KIF6: variants seen among roughly 807,000 people sequenced by gnomAD.
KIF6 encodes the protein kinesin family member 6.
In KIF6, 106 loss-of-function variants were observed where a neutral mutation model predicts 112.7. That is an observed-to-expected ratio of 0.94 (90% confidence interval 0.80 to 1.11). The LOEUF (loss-of-function observed/expected upper bound fraction) is 1.11. Among genes scored for constraint, KIF6 ranks in the 50% least tolerant of loss-of-function variants. The pLI, the probability that KIF6 is intolerant of heterozygous loss-of-function variation, is 0.00. For missense variants in KIF6, 929 were observed against 964.0 expected, an observed-to-expected ratio of 0.96 and a Z score of 0.48; for synonymous variants, 339 against 339.9, an observed-to-expected ratio of 1.00 and a Z score of 0.03.
rs541373022 is a variant in KIF6, at chr6:39,436,106, G to A, written c.1646-4945C>T. On this transcript the variant is annotated intron_variant, in intron 13 of 22. Transcript: ENST00000287152. ...TCGTGGTTTTAATTTGCATTTCCCT[G>A]ATAATTAATGATGTTGAGCATTTTT... Among the ~76,000 whole-genome samples the A allele has an allele frequency of 2.6e-5, 4 of 152,158 alleles. No homozygotes were observed. The South Asian group carries it at 8.3e-4, about 32-fold the overall frequency.
intron 3 of KIF6, among the ~76,000 whole-genome samples, chr6:39,713,110 G>A (rs1789651063): frequency 6.6e-6 from 1 of 152,164 alleles, no homozygotes. Flanking sequence ...GAGAAACCAT[G>A]CAGATTTCTG....
intron 10 of KIF6, chr6:39,554,177 G>T: frequency 6.4e-6 from 1 of 156,490 alleles, no homozygotes; most frequent in South Asian, 1.8e-4. Context: ...AAGGTGTGGG[G>T]GAAGCAGAAC....
chr6:39,422,219 A>C (rs1770423702), intron 14 of KIF6, among the ~76,000 whole-genome samples: 2 of 152,184 alleles, frequency 1.3e-5, no homozygotes, highest in Admixed American at 6.5e-5. Context: ...CAGAAGAAGG[A>C]CTTTCCACCG....
Position 39,343,563 on chromosome 6 carries a change from G to A in KIF6, c.2428+146C>T. On this transcript the variant is annotated intron_variant, in intron 22 of 22. Coordinates refer to ENST00000287152, the MANE Select transcript of KIF6 (RefSeq NM_145027.6). The surrounding 1 kb of genome is among the most constrained non-coding windows in gnomAD (Gnocchi z 4.1). ...CTTTCTCGAGAAGGAATCAGAGGCT[G>A]GGCACATGTGACTGACAGGCAGGCC... 2 of 1,270,090 alleles carry A rather than the reference G, an allele frequency of 1.6e-6. No individual in the cohort carries two copies. The highest frequency in any genetic ancestry group is 1.5e-5 in the African/African-American group (1 of 67,384). 78.7% of individuals were successfully genotyped at this position (1,270,090 alleles called of 1,614,324 possible). A position where few individuals can be genotyped will look rare whatever the true frequency, so the allele number is the denominator to read the frequency against.
intron 15 of KIF6, among the ~76,000 whole-genome samples, chr6:39,393,826 A>G (rs1768062528): frequency 6.6e-6 from 1 of 152,178 alleles, no homozygotes; most frequent in Non-Finnish European, 1.5e-5. Context: ...AGCCAAATCA[A>G]TAGAAGATCA....
chr6:39,420,245 A>C (rs1012119442), intron 14 of KIF6, among the ~76,000 whole-genome samples: 35 of 152,210 alleles, frequency 2.3e-4, no homozygotes, highest in Admixed American at 6.5e-5. Context: ...TCTCTCATTT[A>C]TGACTTTTAA....
At chr6:39,722,316 C>T (rs1035752101) in intron 1 of KIF6, among the ~76,000 whole-genome samples, 3 of 152,194 alleles carry the variant, frequency 2.0e-5, no homozygotes, top group African/African-American at 7.2e-5. Context: ...CTGATTAAGA[C>T]ACTCTTTGAG....
chr6:39,592,822 C>A (rs1782028350), intron 7 of KIF6, among the ~76,000 whole-genome samples: 1 of 152,228 alleles, frequency 6.6e-6, no homozygotes, highest in Admixed American at 6.5e-5. Context: ...AAAGTCCATT[C>A]AACTCAGAGA....
intron 13 of KIF6, among the ~76,000 whole-genome samples, chr6:39,441,075 G>A (rs1311357366): frequency 6.6e-6 from 1 of 152,190 alleles, no homozygotes; most frequent in Non-Finnish European, 1.5e-5. Context: ...GGATGCTTGT[G>A]ATTTAGGAAG....
intron 15 of KIF6, among the ~76,000 whole-genome samples, chr6:39,406,869 C>T (rs1428953081): frequency 6.6e-6 from 1 of 152,196 alleles, no homozygotes; most frequent in Non-Finnish European, 1.5e-5. Context: ...CTGCCTCAGC[C>T]TCCTAAGTAG....
At chr6:39,455,887 C>T (rs1243221153) in intron 13 of KIF6, among the ~76,000 whole-genome samples, 4 of 117,742 alleles carry the variant, frequency 3.4e-5, no homozygotes, top group South Asian at 6.6e-4. Flanking sequence ...ACCAAATCTA[C>T]GTCTGATTGG....
At chr6:39,439,836 T>A (rs1771802510) in intron 13 of KIF6, among the ~76,000 whole-genome samples, 1 of 151,918 alleles carries the variant, frequency 6.6e-6, no homozygotes, top group Non-Finnish European at 1.5e-5. Flanking sequence ...AAGTGGAGAG[T>A]TTATGCTATT....
intron 22 of KIF6, among the ~76,000 whole-genome samples, chr6:39,338,989 G>T (rs147271213): frequency 5.9e-5 from 9 of 152,164 alleles, no homozygotes; most frequent in African/African-American, 9.6e-5. Context: ...TACAGAATAG[G>T]GGGGAGAGCA....
intron 13 of KIF6, among the ~76,000 whole-genome samples, chr6:39,454,884 C>T (rs1409305800): frequency 3.9e-5 from 6 of 152,132 alleles, no homozygotes; most frequent in African/African-American, 7.2e-5. Context: ...CACCGAATCT[C>T]GCTGATTGCT....
intron 13 of KIF6, among the ~76,000 whole-genome samples, chr6:39,527,861 T>C (rs184525414): frequency 3.3e-4 from 50 of 152,306 alleles, no homozygotes; most frequent in African/African-American, 9.4e-4. Context: ...CAAATTATCA[T>C]TGTATATATT....
At chr6:39,416,282 AT>A (rs1283494500) in intron 15 of KIF6, among the ~76,000 whole-genome samples, 1 of 152,252 alleles carries the variant, frequency 6.6e-6, no homozygotes, top group Non-Finnish European at 1.5e-5. Flanking sequence ...TGCCTGGCTT[AT>A]GCCACTGCCT....
intron 7 of KIF6, among the ~76,000 whole-genome samples, chr6:39,589,048 G>A (rs943294810): frequency 6.6e-6 from 1 of 152,080 alleles, no homozygotes; most frequent in Non-Finnish European, 1.5e-5. Context: ...ATCCCTGTTC[G>A]ACTTATCTGA....
chr6:39,685,503 C>G (rs541858762), intron 3 of KIF6, among the ~76,000 whole-genome samples: 50 of 152,350 alleles, frequency 3.3e-4, no homozygotes, highest in African/African-American at 1.2e-3. Context: ...ACAGTCATCT[C>G]TGACAGTGAG....
intron 3 of KIF6, among the ~76,000 whole-genome samples, chr6:39,649,675 A>G (rs1284309418): frequency 1.3e-5 from 2 of 151,940 alleles, no homozygotes; most frequent in African/African-American, 4.8e-5. Flanking sequence ...GAGTTTTGCA[A>G]CTGCTATAAA....
Sources: gnomAD v4.1 joint callset for allele counts (sites outside exome capture counted in the v4.1 genomes callset) on GRCh38, gnomAD v4.1.1 for gene constraint, Gnocchi (gnomAD v3.1) non-coding constraint, MANE v1.5 for transcripts, NCBI Gene and HGNC (gene_info 2026-07-23, HGNC 2026-07-21) for gene names.